Variants in RNF19B observed in about 807,000 individuals in gnomAD.
RNF19B encodes E3 ubiquitin-protein ligase RNF19B.
RNF19B carries 23 observed loss-of-function variants against 65.5 expected under a neutral mutation model. The observed-to-expected ratio is 0.35, with a 90% CI of 0.25 to 0.50. RNF19B has a LOEUF of 0.50. Among genes scored for constraint, RNF19B ranks in the 20% least tolerant of loss-of-function variants. The pLI is 0.98. For missense variants in RNF19B, 794 were observed against 980.0 expected, an observed-to-expected ratio of 0.81 and a Z score of 2.53; for synonymous variants, 372 against 379.6, an observed-to-expected ratio of 0.98 and a Z score of 0.23.
chr1:32,964,033 C>G lies in RNF19B; in HGVS notation c.635+18G>C. 7.0e-7 allele frequency: 1 copy of G among 1,426,300 alleles called. No individual in the cohort carries two copies. Among genetic ancestry groups the G allele is most frequent in the Non-Finnish European group, 9.1e-7 (1 of 1,095,204 alleles). The allele number at this position is 1,426,300 out of a possible 1,614,324, so 88.4% of individuals were successfully genotyped here. ...CGGCTGCAGCCCGCCGCCACCCGCGCCACGCCCCCGCGCTCACCCGCAGTC... is the reference window on the plus strand; with the variant it reads ...CGGCTGCAGCCCGCCGCCACCCGCGGCACGCCCCCGCGCTCACCCGCAGTC... On this transcript the variant is annotated intron_variant, in intron 1 of 8. Coordinates refer to ENST00000235150, the MANE Select transcript of RNF19B (RefSeq NM_001300826.2). The surrounding 1 kb of genome is among the most constrained non-coding windows in gnomAD (Gnocchi z 6.5).
intron 1 of RNF19B, among the ~76,000 whole-genome samples, chr1:32,955,850 C>G (rs1050930184): frequency 6.6e-6 from 1 of 152,186 alleles, no homozygotes; most frequent in Non-Finnish European, 1.5e-5. Flanking sequence ...GTGCATCTCT[C>G]CTACTCTGCT....
intron 1 of RNF19B, among the ~76,000 whole-genome samples, chr1:32,951,842 G>A (rs907906842): frequency 2.6e-5 from 4 of 151,264 alleles, no homozygotes; most frequent in Non-Finnish European, 4.4e-5. Flanking sequence ...ATATCGCCCA[G>A]GATGGAGCGC....
chr1:32,932,343 T>C (rs1237085623), downstream of RNF19B, among the ~76,000 whole-genome samples: 1 of 152,140 alleles, frequency 6.6e-6, no homozygotes, highest in African/African-American at 2.4e-5. Context: ...TAGAATGCAG[T>C]TAAAGAGAAA....
rs572681471 is a variant in RNF19B at position 32,942,327 on chromosome 1, G to A, written c.1535C>T (p.Thr512Met). The change falls in exon 7 of 9, where the codon ACG (threonine) becomes ATG (methionine). Residue 512 changes from threonine to methionine, a missense_variant. This residue lies in a region of RNF19B where 368 missense variants were observed against 447.3 expected (regional missense o/e 0.82). Transcript: ENST00000235150. Reference sequence around the variant, plus strand: ...CCCTGAGAGGGCTGCAAAGCTGGCCGTTTCGCTGTAAGGACCTTGCATAAC... The same window carrying A: ...CCCTGAGAGGGCTGCAAAGCTGGCCATTTCGCTGTAAGGACCTTGCATAAC... The part of the protein sequence containing the change: ...LSVMQGPYSE[T>M]ASFAALSGGT... 8.1e-6 allele frequency: 13 copies of A among 1,614,008 alleles called. No homozygotes were observed. Among genetic ancestry groups the A allele is most frequent in the South Asian group, 1.1e-5 (1 of 91,088 alleles).
chr1:32,964,287 G>T lies in RNF19B; in HGVS notation c.399C>A (p.Arg133=), dbSNP rs1178070517. 2 of 1,525,894 alleles carry T rather than the reference G, an allele frequency of 1.3e-6. No individual in the cohort carries two copies. Among genetic ancestry groups the T allele is most frequent in the African/African-American group, 2.8e-5 (2 of 70,620 alleles). 94.5% of individuals were successfully genotyped at this position (1,525,894 alleles called of 1,614,324 possible). Residue 133 remains arginine, a synonymous_variant, in exon 1 of 9, where the codon CGC becomes CGA. Coordinates refer to ENST00000235150, the MANE Select transcript of RNF19B (RefSeq NM_001300826.2). This position sits in a 1 kb window ranked among gnomAD's most constrained non-coding sequence, Gnocchi z 6.5. ...LVRLPPERAP[R]LLSCPHRSCR... ...ACGAGCGGTGCGGACAGCTGAGGAG[G>T]CGCGGGGCCCGCTCAGGCGGCAGCC...
In RNF19B at chr1:32,964,758, G is replaced by T. The variant is rs1292389294; in HGVS notation, c.-73C>A. ...CCCGCCTCAGCGCCCCTCAGCCAGC[G>T]CCCGGCCGCCGCCGACGCCGCCACC... On this transcript the variant is annotated 5_prime_UTR_variant, in exon 1 of 9. Transcript: ENST00000235150. The surrounding 1 kb of genome is among the most constrained non-coding windows in gnomAD (Gnocchi z 6.5). The T allele has an allele frequency of 9.4e-6, 12 of 1,274,146 alleles. No homozygotes were observed. Among genetic ancestry groups the T allele is most frequent in the Non-Finnish European group, 1.2e-5 (12 of 1,004,782 alleles). The allele number at this position is 1,274,146 out of a possible 1,614,324, so 78.9% of individuals were successfully genotyped here.
intron 1 of RNF19B, among the ~76,000 whole-genome samples, chr1:32,954,591 T>C (rs572229662): frequency 2.6e-5 from 4 of 151,504 alleles, no homozygotes; most frequent in East Asian, 3.9e-4. Context: ...ATACAAAAAT[T>C]AGCCAGGCAT....
intron 1 of RNF19B, among the ~76,000 whole-genome samples, chr1:32,951,871 C>T (rs935630356): frequency 6.6e-6 from 1 of 151,186 alleles, no homozygotes; most frequent in Non-Finnish European, 1.5e-5. Context: ...GATCTCGGCT[C>T]ACTGCAATCT....
At chr1:32,949,537 T>C in intron 2 of RNF19B, 32 bp downstream of exon 2, 1 of 1,588,772 alleles carries the variant, frequency 6.3e-7, no homozygotes, top group Non-Finnish European at 8.6e-7. Flanking sequence ...AAATACCAAA[T>C]AAAGAGACAA....
At chr1:32,954,430 A>T (rs1204296129) in intron 1 of RNF19B, among the ~76,000 whole-genome samples, 1 of 151,758 alleles carries the variant, frequency 6.6e-6, no homozygotes, top group Non-Finnish European at 1.5e-5. Flanking sequence ...ATGCTGCATG[A>T]CATGAAGCTA....
At chr1:32,959,881 C>CAA (rs35488614) in intron 1 of RNF19B, among the ~76,000 whole-genome samples, 10 of 93,180 alleles carry the variant, frequency 1.1e-4, no homozygotes, top group East Asian at 9.2e-4. Context: ...ACTAAAAATA[C>CAA]AAAAAAAAAA....
downstream of RNF19B, among the ~76,000 whole-genome samples, chr1:32,932,599 A>C (rs1642040551): frequency 6.6e-6 from 1 of 152,238 alleles, no homozygotes; most frequent in Non-Finnish European, 1.5e-5. Flanking sequence ...AAGCTTCTTC[A>C]CATTGGCCTG....
downstream of RNF19B, among the ~76,000 whole-genome samples, chr1:32,935,897 G>A (rs1057372469): frequency 1.3e-5 from 2 of 152,048 alleles, no homozygotes; most frequent in African/African-American, 4.8e-5. Flanking sequence ...ACAGGCGTGC[G>A]CAACTACCGC....
At chr1:32,943,887 A>T in intron 6 of RNF19B, 132 bp downstream of exon 6, 1 of 890,920 alleles carries the variant, frequency 1.1e-6, no homozygotes. Flanking sequence ...AAAGCTAAAA[A>T]TACTTTACCC....
At chr1:32,948,139 C>T (rs1029422215) in intron 3 of RNF19B, 83 bp downstream of exon 3, 15 of 1,439,000 alleles carry the variant, frequency 1.0e-5, no homozygotes, top group African/African-American at 8.4e-5. Flanking sequence ...AATGAGAGAA[C>T]GGATGTGTCT....
In RNF19B at chr1:32,936,501, G is replaced by A. The variant is rs772414779; in HGVS notation, c.*305C>T. 9.1e-5 allele frequency: 21 copies of A among 231,386 alleles called. No homozygotes were observed. Among genetic ancestry groups the A allele is most frequent in the Admixed American group, 5.4e-5 (1 of 18,352 alleles). The allele number at this position is 231,386 out of a possible 1,614,324, so 14.3% of individuals were successfully genotyped here. A position where few individuals can be genotyped will look rare whatever the true frequency, so the allele number is the denominator to read the frequency against. The stretch of plus-strand genomic sequence containing the variant: ...AATGTGTCTTTCAGTAATATGTTTA[G>A]CATTCAATATACACACATACATATG... On this transcript the variant is annotated 3_prime_UTR_variant, in exon 9 of 9. Transcript: ENST00000235150.
At chr1:32,929,123 TGGG>T in the RNF19B span, among the ~76,000 whole-genome samples, 19 of 152,100 alleles carry the variant, frequency 1.2e-4, no homozygotes, top group Non-Finnish European at 4.4e-5. Flanking sequence ...CCGCGGGCTG[TGGG>T]GGAGGATCTG....
At chr1:32,933,579 A>G (rs1350868698), downstream of RNF19B, among the ~76,000 whole-genome samples, 2 of 152,014 alleles carry the variant, frequency 1.3e-5, no homozygotes, top group Admixed American at 1.3e-4. Context: ...TTTCTAATGC[A>G]TTATTTGTGT....
chr1:32,955,670 G>A (rs1246198197), intron 1 of RNF19B, among the ~76,000 whole-genome samples: 4 of 151,332 alleles, frequency 2.6e-5, no homozygotes, highest in Non-Finnish European at 5.9e-5. Context: ...GACGGCTACA[G>A]CCCGGGAGGT....
Sources: allele counts gnomAD v4.1 joint callset (sites outside exome capture counted in the v4.1 genomes callset), GRCh38; gene constraint gnomAD v4.1.1; regional missense constraint gnomAD v4.1.1; non-coding constraint Gnocchi (gnomAD v3.1); transcripts MANE v1.5; gene names NCBI Gene and HGNC (gene_info 2026-07-23, HGNC 2026-07-21).